GMCL1: variants seen among roughly 807,000 people sequenced by gnomAD.
The protein encoded by GMCL1 is germ cell-less protein-like 1.
Under a neutral mutation model 75.5 loss-of-function variants are expected in GMCL1, and 54 were observed. The observed-to-expected ratio is 0.71, with a 90% CI of 0.57 to 0.90. GMCL1 has a LOEUF of 0.90. GMCL1 is among the 40% of genes least tolerant of loss of function. The pLI is 0.00. For synonymous variants in GMCL1, 210 were observed against 209.6 expected (o/e 1.00, Z -0.02); for missense variants, 537 against 622.7 (o/e 0.86, Z 1.47).
intron 9 of GMCL1, among the ~76,000 whole-genome samples, chr2:69,857,637 C>CA: frequency 6.6e-6 from 1 of 152,152 alleles, no homozygotes. Context: ...CATTTTTGAA[C>CA]CAGGCTTCTC....
At position 69,869,814 on chromosome 2, in the gene GMCL1, G is replaced by A; in HGVS notation, c.1314G>A (p.Gln438=). ...TTTTCAAACGCAATACACTGAATCAGCCATGTAGCGGATCTGTCAGTTTAC... is the reference window on the plus strand; with the variant it reads ...TTTTCAAACGCAATACACTGAATCAACCATGTAGCGGATCTGTCAGTTTAC... The part of the protein sequence containing the change: ...YIIFKRNTLN[Q]PCSGSVSLQP... Residue 438 remains glutamine (Q), a synonymous_variant, in exon 12 of 14, where the codon CAG becomes CAA. Transcript: ENST00000282570. 6.2e-7 allele frequency: 1 copy of A among 1,613,926 alleles called. No homozygotes were observed. The highest frequency in any genetic ancestry group is 8.5e-7 in the Non-Finnish European group (1 of 1,179,968).
chr2:69,860,399 AT>A, intron 9 of GMCL1, among the ~76,000 whole-genome samples: 1 of 152,266 alleles, frequency 6.6e-6, no homozygotes, highest in East Asian at 1.9e-4. Flanking sequence ...TGTAATTACA[AT>A]TTTTATTCTA....
intron 9 of GMCL1, among the ~76,000 whole-genome samples, chr2:69,856,497 G>A (rs1675470441): frequency 6.6e-6 from 1 of 151,992 alleles, no homozygotes; most frequent in Non-Finnish European, 1.5e-5. Flanking sequence ...TAGGTCATTA[G>A]GTTCATTAAC....
rs190806038 is a variant in GMCL1, at chr2:69,850,857, C to A, written c.934+1115C>A. Reference sequence around the variant, plus strand: ...CCTATGAGCTAGCAGCAACACGCCACTGTATAATATATCATTTTGTTTTAG... The same window carrying A: ...CCTATGAGCTAGCAGCAACACGCCAATGTATAATATATCATTTTGTTTTAG... On this transcript the variant is annotated intron_variant, in intron 8 of 13. Transcript: ENST00000282570. 9.8e-4 allele frequency among the ~76,000 whole-genome samples: 150 copies of A among 152,292 alleles called. No individual in the cohort carries two copies. In the East Asian group the frequency reaches 0.019, roughly 20 times the overall value.
intron 1 of GMCL1, among the ~76,000 whole-genome samples, chr2:69,833,234 C>T (rs182904466): frequency 2.0e-4 from 30 of 152,228 alleles, no homozygotes; most frequent in Non-Finnish European, 2.9e-4. Flanking sequence ...AAACCTTTAT[C>T]GGAAAATGCA....
At chr2:69,850,081 G>A (rs1675269892) in intron 8 of GMCL1, among the ~76,000 whole-genome samples, 1 of 152,120 alleles carries the variant, frequency 6.6e-6, no homozygotes, top group South Asian at 2.1e-4. Flanking sequence ...TGACCACACT[G>A]AGTTTTCTCT....
intron 13 of GMCL1, among the ~76,000 whole-genome samples, chr2:69,877,006 C>G (rs890542116): frequency 2.6e-5 from 4 of 151,806 alleles, no homozygotes; most frequent in Admixed American, 6.6e-5. Flanking sequence ...AACAGACAGA[C>G]AAAAAACACT....
At chr2:69,869,509 T>G (rs1675923442) in intron 11 of GMCL1, 2 of 471,572 alleles carry the variant, frequency 4.2e-6, no homozygotes, top group Non-Finnish European at 7.5e-6. Context: ...GGAAAGTAGC[T>G]TAGAGAATTA....
chr2:69,878,121 C>G (rs1676176174), intron 13 of GMCL1, among the ~76,000 whole-genome samples: 1 of 152,182 alleles, frequency 6.6e-6, no homozygotes, highest in Non-Finnish European at 1.5e-5. Context: ...GTAGTGTCAG[C>G]TCCTGTCTCT....
intron 2 of GMCL1, 33 bp from the exon 3 acceptor site, chr2:69,839,424 C>G (rs1172709076): frequency 7.6e-7 from 1 of 1,319,944 alleles, no homozygotes; most frequent in East Asian, 2.3e-5. Context: ...ACAGAAAGTA[C>G]TTGATAATCG....
In GMCL1 at chr2:69,880,845, C is replaced by T. The variant is rs2104090328; in HGVS notation, c.*1841C>T. On this transcript the variant is annotated 3_prime_UTR_variant, in exon 14 of 14. Transcript: ENST00000282570. ...CCTAGGCGACAGAGTGAGACTCCGT[C>T]TCAAAAAAAAAAAAAAAAAAAAAGA... 1.2e-5 allele frequency: 1 copy of T among 83,346 alleles called. No individual in the cohort carries two copies. The allele number at this position is 83,346 out of a possible 1,614,324, so 5.2% of individuals were successfully genotyped here.
At chr2:69,843,755 C>T (rs1170753513) in intron 5 of GMCL1, among the ~76,000 whole-genome samples, 1 of 152,200 alleles carries the variant, frequency 6.6e-6, no homozygotes, top group Non-Finnish European at 1.5e-5. Context: ...CATGCCACTG[C>T]ACTTTATAGT....
intron 9 of GMCL1, among the ~76,000 whole-genome samples, chr2:69,856,613 A>T (rs184456896): frequency 6.9e-6 from 1 of 144,452 alleles, no homozygotes; most frequent in East Asian, 2.0e-4. Flanking sequence ...GGAACCAGGG[A>T]CAACAAAATC....
chr2:69,843,014 T>G, intron 4 of GMCL1, 135 bp from the exon 5 acceptor site: 3 of 334,718 alleles, frequency 9.0e-6, no homozygotes, highest in East Asian at 5.1e-5. Flanking sequence ...AAAACTTAGG[T>G]TTGCTGCACT....
At chr2:69,858,869 C>T (rs1475892143) in intron 9 of GMCL1, among the ~76,000 whole-genome samples, 1 of 151,942 alleles carries the variant, frequency 6.6e-6, no homozygotes, top group Non-Finnish European at 1.5e-5. Flanking sequence ...CATTTTTGGC[C>T]GGGTGTGGTG....
At chr2:69,856,731 A>G (rs994226045) in intron 9 of GMCL1, among the ~76,000 whole-genome samples, 15 of 143,170 alleles carry the variant, frequency 1.0e-4, no homozygotes, top group African/African-American at 3.9e-4. Flanking sequence ...CCCTACTAAT[A>G]TAGGGCCAGG....
intron 13 of GMCL1, among the ~76,000 whole-genome samples, chr2:69,876,147 C>T (rs1676124413): frequency 6.6e-6 from 1 of 152,178 alleles, no homozygotes; most frequent in Middle Eastern, 3.4e-3. Context: ...TTCCGTCAGA[C>T]AGCAATGTGT....
chr2:69,852,160 A>C (rs1486092276), intron 8 of GMCL1, among the ~76,000 whole-genome samples: 1 of 152,246 alleles, frequency 6.6e-6, no homozygotes, highest in Non-Finnish European at 1.5e-5. Flanking sequence ...TAGAAACAGT[A>C]GATATTAGGC....
intron 1 of GMCL1, among the ~76,000 whole-genome samples, chr2:69,836,349 A>G (rs1182170029): frequency 6.6e-6 from 1 of 152,042 alleles, no homozygotes; most frequent in Non-Finnish European, 1.5e-5. Context: ...CTTAATCTTT[A>G]ATGTAATTTG....
Sources: allele counts gnomAD v4.1 joint callset (sites outside exome capture counted in the v4.1 genomes callset), GRCh38; gene constraint gnomAD v4.1.1; transcripts MANE v1.5; gene names NCBI Gene and HGNC (gene_info 2026-07-23, HGNC 2026-07-21).